Variants in CFAP65 observed in about 807,000 individuals in gnomAD.
CFAP65 encodes cilia and flagella associated protein 65.
Under a neutral mutation model 208.0 loss-of-function variants are expected in CFAP65, and 155 were observed. The observed-to-expected ratio is 0.75, with a 90% CI of 0.65 to 0.85. The LOEUF (loss-of-function observed/expected upper bound fraction) is 0.85, where lower values mean the gene tolerates loss of function less well. CFAP65 is among the 40% of genes least tolerant of loss of function. The pLI is 0.00. For missense variants in CFAP65, 2,294 were observed against 2,451.3 expected, an observed-to-expected ratio of 0.94 and a Z score of 1.36; for synonymous variants, 970 against 986.3, an observed-to-expected ratio of 0.98 and a Z score of 0.31.
In CFAP65 at chr2:219,038,387, G is replaced by T. The variant is rs765284555; in HGVS notation, c.345C>A (p.Thr115=). ...DSSAAMSACS[T]ISAQPASSMD... The stretch of plus-strand genomic sequence containing the variant: ...GCTGTATCCTTACCTGGGCGCTGAT[G>T]GTGCTGCAGGCACTCATGGCTGCAC... The change falls in exon 4 of 35, where the codon ACC becomes ACA. Residue 115 remains threonine, a synonymous_variant. Transcript: ENST00000341552. 7 of 1,613,062 alleles carry T rather than the reference G, an allele frequency of 4.3e-6. 1 individual carries two copies. In the South Asian group the frequency reaches 6.6e-5, roughly 15 times the overall value.
chr2:219,018,874 G>A (rs145358798), intron 21 of CFAP65, 177 bp downstream of exon 21: 19 of 780,008 alleles, frequency 2.4e-5, no homozygotes, highest in Middle Eastern at 4.0e-4. Flanking sequence ...TGACAGGCCC[G>A]GAGTCCTGCT....
intron 21 of CFAP65, chr2:219,014,845 A>ACGGG: frequency 6.6e-6 from 1 of 151,550 alleles, no homozygotes; most frequent in Non-Finnish European, 1.5e-5. Flanking sequence ...CACACACCTG[A>ACGGG]AAGTGCGCAA....
chr2:219,010,456 C>A, intron 26 of CFAP65, 90 bp downstream of exon 26: 1 of 1,393,330 alleles, frequency 7.2e-7, no homozygotes, highest in South Asian at 1.3e-5. Flanking sequence ...TCTCATGTCC[C>A]TCCCAGCCTC....
chr2:219,029,730 G>A, intron 10 of CFAP65, 62 bp from the exon 11 acceptor site: 1 of 1,573,456 alleles, frequency 6.4e-7, no homozygotes, highest in Non-Finnish European at 8.7e-7. Flanking sequence ...TTCCACTGAA[G>A]GGAGGTGGTA....
In CFAP65 at chr2:219,010,078, A is replaced by G. The variant is rs1456759998; in HGVS notation, c.4316T>C (p.Phe1439Ser). 3 of 1,596,672 alleles carry G rather than the reference A, an allele frequency of 1.9e-6. No individual in the cohort carries two copies. The Admixed American group carries it at 5.2e-5, about 28-fold the overall frequency. ...CAGGGAAATATGAGACTGGGACAGG[A>G]AGACATTCTGTGGGTGGAGAGCGGA... is the stretch of plus-strand genomic sequence containing the variant. Reference protein sequence around the residue: ...SRLVVPGQNVFLSQSHISLGN... With the variant: ...SRLVVPGQNVSLSQSHISLGN... The change falls in exon 27 of 35, where the codon TTC becomes TCC. Residue 1439 changes from phenylalanine to serine, a missense_variant. Around this residue, in one of 2 missense-constraint regions of CFAP65, gnomAD observed 1,427 missense variants for 1,438.7 expected, o/e 0.99. Transcript: ENST00000341552.
At chr2:219,037,056 T>C (rs1413165065) in intron 4 of CFAP65, among the ~76,000 whole-genome samples, 1 of 152,138 alleles carries the variant, frequency 6.6e-6, no homozygotes, top group Non-Finnish European at 1.5e-5. Flanking sequence ...TCAGTCAGTG[T>C]CTAGGCAGGA....
rs1384428946 is a variant in CFAP65, at chr2:219,031,093, G to A, written c.1015+13C>T. The stretch of plus-strand genomic sequence containing the variant: ...AGGGGCCAGTCTGGGGACGGTGGGA[G>A]GTTGGGCCTCACCCACAGCCTGCAG... On this transcript the variant is annotated intron_variant, in intron 8 of 34. Transcript: ENST00000341552. The surrounding 1 kb of genome is among the most constrained non-coding windows in gnomAD (Gnocchi z 5.2). The A allele has an allele frequency of 4.5e-6, 7 of 1,572,748 alleles. No individual in the cohort carries two copies. In the East Asian group the frequency reaches 1.6e-4, roughly 37 times the overall value.
At position 219,005,450 on chromosome 2, in the gene CFAP65, G is replaced by A. The variant is rs1559112809; in HGVS notation, c.5035C>T (p.Leu1679Phe). The A allele has an allele frequency of 6.2e-7, 1 of 1,613,846 alleles. No homozygotes were observed. Among genetic ancestry groups the A allele is most frequent in the Non-Finnish European group, 8.5e-7 (1 of 1,179,988 alleles). Reference protein sequence around the residue: ...KQKKQLLVDILTTIIRGLLED... With the variant: ...KQKKQLLVDIFTTIIRGLLED... ...AGCTGGTACCTGATTATTGTGGTGA[G>A]AATGTCAACCAGGAGCTGCTTCTTC... The change falls in exon 32 of 35, where the codon CTC becomes TTC. Residue 1679 changes from leucine to phenylalanine, a missense_variant. Leu to Phe is a conservative substitution (Grantham distance 22). This residue lies in a region of CFAP65 where 1,427 missense variants were observed against 1,438.7 expected (regional missense o/e 0.99). Transcript: ENST00000341552.
intron 19 of CFAP65, 69 bp from the exon 20 acceptor site, chr2:219,019,788 C>A: frequency 1.5e-6 from 2 of 1,372,232 alleles, no homozygotes; most frequent in Non-Finnish European, 2.0e-6. Flanking sequence ...GCATGCAGGC[C>A]AAAGGTGCAG....
intron 13 of CFAP65, chr2:219,026,911 A>G (rs1371451281): frequency 7.1e-6 from 7 of 986,202 alleles, no homozygotes; most frequent in Non-Finnish European, 8.4e-6. Flanking sequence ...CCACTTTGGA[A>G]AGCCTCCTCA....
At chr2:219,029,759 A>G in intron 10 of CFAP65, 91 bp from the exon 11 acceptor site, 2 of 1,483,768 alleles carry the variant, frequency 1.3e-6, no homozygotes, top group African/African-American at 2.8e-5. Context: ...GCCAGGCTAC[A>G]GGCCCAGAGC....
chr2:219,009,306 C>T (rs751722163), intron 28 of CFAP65, 41 bp downstream of exon 28: 1 of 1,507,550 alleles, frequency 6.6e-7, no homozygotes, highest in Non-Finnish European at 9.2e-7. Context: ...GCATTGGGAG[C>T]CATGCCTCCA....
At position 219,027,795 on chromosome 2, in the gene CFAP65, G is replaced by A. The variant is rs769586505; in HGVS notation, c.2066C>T (p.Thr689Met). The A allele has an allele frequency of 9.3e-6, 15 of 1,612,994 alleles. No homozygotes were observed. Among genetic ancestry groups the A allele is most frequent in the African/African-American group, 2.7e-5 (2 of 74,884 alleles). The part of the protein sequence containing the change: ...HTKGKIMVVW[T>M]RRSDCPFWVT... ...CCAGAAGGGGCAGTCAGACCTTCGC[G>A]TCCAGACCACCATGATCTTGCCCTT... is the stretch of plus-strand genomic sequence containing the variant. The change falls in exon 13 of 35, where the codon ACG (threonine) becomes ATG (methionine). Residue 689 changes from threonine (T) to methionine (M), a missense_variant. This residue lies in a region of CFAP65 where 867 missense variants were observed against 1,012.6 expected (regional missense o/e 0.86). Transcript: ENST00000341552.
chr2:219,028,436 A>C, intron 11 of CFAP65, 35 bp from the exon 12 acceptor site: 5 of 892,886 alleles, frequency 5.6e-6, no homozygotes, highest in Non-Finnish European at 8.3e-6. Flanking sequence ...GGGGCATGGG[A>C]GGGGTGGTAG....
intron 17 of CFAP65, 71 bp from the exon 18 acceptor site, chr2:219,022,001 T>C (rs1947295407): frequency 4.4e-6 from 7 of 1,587,932 alleles, no homozygotes; most frequent in South Asian, 2.3e-5. Context: ...CCCAGCCCCA[T>C]TTTCAGAGCA....
chr2:219,009,408 A>G lies in CFAP65; in HGVS notation c.4505T>C (p.Phe1502Ser). 1 of 1,612,572 alleles carries G rather than the reference A, an allele frequency of 6.2e-7. No individual in the cohort carries two copies. The highest frequency in any genetic ancestry group is 1.7e-4 in the Middle Eastern group (1 of 6,060). Residue 1502 changes from phenylalanine to serine, a missense_variant, in exon 28 of 35, where the codon TTT (phenylalanine) becomes TCT (serine). Physicochemically the swap from Phe to Ser is radical, Grantham distance 155 (BLOSUM62 -2). Coordinates refer to ENST00000341552, the MANE Select transcript of CFAP65 (RefSeq NM_194302.4). ...GVVAPEETVP[F>S]VVTLRASVHA... Reference sequence around the variant, plus strand: ...CACAGAGGCCCTCAAGGTCACCACAAATGGGACCGTCTCTTCAGGAGCCAC... The same window carrying G: ...CACAGAGGCCCTCAAGGTCACCACAGATGGGACCGTCTCTTCAGGAGCCAC...
At chr2:219,024,326 GC>G in intron 14 of CFAP65, 66 bp from the exon 15 acceptor site, 1 of 1,542,706 alleles carries the variant, frequency 6.5e-7, no homozygotes, top group Non-Finnish European at 8.8e-7. Flanking sequence ...CACACTCAGG[GC>G]CCTATGGGGG....
In CFAP65 at chr2:219,004,836, G is replaced by T. The variant is rs74908564; in HGVS notation, c.5052-381C>A. On this transcript the variant is annotated intron_variant, in intron 32 of 34. Transcript: ENST00000341552. This position sits in a 1 kb window ranked among gnomAD's most constrained non-coding sequence, Gnocchi z 4.7. ...TGTCCTGGGGTGGGGGGGCCGGGGG[G>T]GGGGACCGTGGTGGGATCTTGCAAA... Among the ~76,000 whole-genome samples the T allele has an allele frequency of 1.3e-4, 19 of 145,570 alleles. No individual in the cohort carries two copies. Among genetic ancestry groups the T allele is most frequent in the African/African-American group, 3.5e-4 (14 of 39,854 alleles).
chr2:219,012,056 C>A (rs985535612), intron 24 of CFAP65, among the ~76,000 whole-genome samples: 5 of 152,198 alleles, frequency 3.3e-5, no homozygotes, highest in Admixed American at 3.3e-4. Context: ...AGCCACTGAA[C>A]CAGGAAGTGG....
Sources: gnomAD v4.1 joint callset for allele counts (sites outside exome capture counted in the v4.1 genomes callset) on GRCh38, gnomAD v4.1.1 for gene constraint, gnomAD v4.1.1 regional missense constraint, Gnocchi (gnomAD v3.1) non-coding constraint, MANE v1.5 for transcripts, NCBI Gene and HGNC (gene_info 2026-07-23, HGNC 2026-07-21) for gene names.